Variants in ATXN1 observed in about 807,000 individuals in gnomAD.
ATXN1 encodes ataxin 1.
Under a neutral mutation model 56.4 loss-of-function variants are expected in ATXN1, and 8 were observed. The ratio of observed to expected loss-of-function variants is 0.14; its 90% confidence interval spans 0.08 to 0.26. The LOEUF (loss-of-function observed/expected upper bound fraction) is 0.26. ATXN1 is among the 10% of genes least tolerant of loss of function. The pLI, the probability that ATXN1 is intolerant of heterozygous loss-of-function variation, is 1.00. For synonymous variants in ATXN1, 514 were observed against 494.6 expected (o/e 1.04, Z -0.52); for missense variants, 987 against 1,106.5 (o/e 0.89, Z 1.53).
At chr6:16,483,413 C>T (rs1191352162) in intron 6 of ATXN1, among the ~76,000 whole-genome samples, 2 of 152,200 alleles carry the variant, frequency 1.3e-5, no homozygotes, top group Admixed American at 6.5e-5. Flanking sequence ...CTCCATGGCA[C>T]AGGCTTTGGG....
Position 16,702,380 on chromosome 6 carries a change from C to A in ATXN1, c.-614-44479G>T, listed in dbSNP as rs1581377922. 2.0e-5 allele frequency among the ~76,000 whole-genome samples: 3 copies of A among 152,286 alleles called. No homozygotes were observed. In the East Asian group the frequency reaches 5.8e-4, roughly 29 times the overall value. Reference sequence around the variant, plus strand: ...AATGTTAGACCTAAAACCATAAAAACCCTAGAAGAAAACCTAGGCAATACC... The same window carrying A: ...AATGTTAGACCTAAAACCATAAAAAACCTAGAAGAAAACCTAGGCAATACC... On this transcript the variant is annotated intron_variant, in intron 2 of 7. Coordinates refer to ENST00000436367, the MANE Select transcript of ATXN1 (RefSeq NM_001128164.2).
chr6:16,339,063 TC>T (rs923086936), intron 6 of ATXN1, among the ~76,000 whole-genome samples: 15 of 152,156 alleles, frequency 9.9e-5, no homozygotes, highest in African/African-American at 3.4e-4. Context: ...GATGAGTAAT[TC>T]CCAAGACGCA....
chr6:16,477,455 A>C (rs1340905579), intron 6 of ATXN1, among the ~76,000 whole-genome samples: 4 of 152,230 alleles, frequency 2.6e-5, no homozygotes, highest in African/African-American at 9.6e-5. Context: ...AGAAGATTAC[A>C]AAGTGAGCCA....
At chr6:16,536,581 T>C (rs1336248321) in intron 4 of ATXN1, among the ~76,000 whole-genome samples, 2 of 152,328 alleles carry the variant, frequency 1.3e-5, no homozygotes, top group Middle Eastern at 3.4e-3. Flanking sequence ...CAAATATGCA[T>C]GTATCTGACT....
At chr6:16,389,636 G>A (rs1387279054) in intron 6 of ATXN1, among the ~76,000 whole-genome samples, 2 of 152,182 alleles carry the variant, frequency 1.3e-5, no homozygotes, top group Admixed American at 1.3e-4. Context: ...GATAAAAAGC[G>A]AGCATGTGAC....
intron 2 of ATXN1, among the ~76,000 whole-genome samples, chr6:16,710,005 C>T (rs959104745): frequency 2.0e-5 from 3 of 151,910 alleles, no homozygotes; most frequent in African/African-American, 4.8e-5. Flanking sequence ...CACACATTCC[C>T]GATAAAAACA....
intron 5 of ATXN1, among the ~76,000 whole-genome samples, chr6:16,509,491 G>A (rs1761039289): frequency 6.6e-6 from 1 of 152,166 alleles, no homozygotes; most frequent in Non-Finnish European, 1.5e-5. Context: ...AGCTCATTCT[G>A]ACTGTCCTAT....
At chr6:16,444,456 G>T (rs1228760684) in intron 6 of ATXN1, among the ~76,000 whole-genome samples, 1 of 152,118 alleles carries the variant, frequency 6.6e-6, no homozygotes, top group East Asian at 1.9e-4. Context: ...GCTCAGACAG[G>T]GGACCATCTG....
At chr6:16,730,487 G>GTA (rs4052880) in intron 2 of ATXN1, among the ~76,000 whole-genome samples, 4,785 of 132,004 alleles carry the variant, frequency 0.036, 181 homozygotes, top group Non-Finnish European at 0.055. Flanking sequence ...AAAACAGTAT[G>GTA]TATATATATA....
intron 2 of ATXN1, among the ~76,000 whole-genome samples, chr6:16,679,581 A>G (rs1293958755): frequency 6.6e-6 from 1 of 152,240 alleles, no homozygotes; most frequent in East Asian, 1.9e-4. Context: ...GCTTTCCCAC[A>G]AGACACTCCA....
Position 16,324,500 on chromosome 6 carries a change from CT to C in ATXN1, c.1917+1893del, listed in dbSNP as rs201756058. On this transcript the variant is annotated intron_variant, in intron 7 of 7. Coordinates refer to ENST00000436367, the MANE Select transcript of ATXN1 (RefSeq NM_001128164.2). ...CAATTCAAACCATTAATTAGTTTAT[CT>C]TTTTTTTCTTGTTTTATTTTATCTG... 3.4e-4 allele frequency among the ~76,000 whole-genome samples: 51 copies of C among 151,896 alleles called. 1 individual carries two copies. In the East Asian group the frequency reaches 8.7e-3, roughly 26 times the overall value.
In ATXN1 at chr6:16,511,575, T is replaced by G. The variant is rs1299138592; in HGVS notation, c.-299+11052A>C. ...CTGAATAACAGAGGTCTTTTCTCCC[T>G]CAGAATCAACCTAGCAACAAGTCCG... On this transcript the variant is annotated intron_variant, in intron 5 of 7. Transcript: ENST00000436367. 2.0e-5 allele frequency among the ~76,000 whole-genome samples: 3 copies of G among 152,118 alleles called. No individual in the cohort carries two copies. The East Asian group carries it at 5.8e-4, about 29-fold the overall frequency.
intron 5 of ATXN1, among the ~76,000 whole-genome samples, chr6:16,514,482 C>T (rs949114089): frequency 2.6e-5 from 4 of 152,148 alleles, no homozygotes; most frequent in Non-Finnish European, 5.9e-5. Flanking sequence ...TTCCGTTTTA[C>T]TTTCTCGCCC....
chr6:16,437,175 C>T (rs9464907), intron 6 of ATXN1, among the ~76,000 whole-genome samples: 1,875 of 152,240 alleles, frequency 0.012, 31 homozygotes, highest in African/African-American at 0.043. Flanking sequence ...TTGAAGGCAT[C>T]AACAAAAAAC....
intron 3 of ATXN1, among the ~76,000 whole-genome samples, chr6:16,605,890 G>A (rs1176967737): frequency 6.6e-6 from 1 of 152,180 alleles, no homozygotes; most frequent in African/African-American, 2.4e-5. Flanking sequence ...CACTTTGGGA[G>A]GCTGAGATGG....
intron 6 of ATXN1, among the ~76,000 whole-genome samples, chr6:16,389,559 G>C (rs1758310922): frequency 6.6e-6 from 1 of 152,136 alleles, no homozygotes; most frequent in Admixed American, 6.5e-5. Context: ...ATGAATGAAG[G>C]GGAGGCAGCA....
At chr6:16,548,211 G>A (rs1448973762) in intron 4 of ATXN1, among the ~76,000 whole-genome samples, 1 of 152,142 alleles carries the variant, frequency 6.6e-6, no homozygotes, top group Non-Finnish European at 1.5e-5. Flanking sequence ...ATATAGAAAA[G>A]ATACAGTCAA....
chr6:16,537,551 G>A (rs922142562), intron 4 of ATXN1, among the ~76,000 whole-genome samples: 19 of 151,720 alleles, frequency 1.3e-4, no homozygotes, highest in African/African-American at 2.9e-4. Context: ...CTAAAAAGAC[G>A]CAAAATTAGC....
intron 6 of ATXN1, among the ~76,000 whole-genome samples, chr6:16,345,229 C>A (rs555156628): frequency 6.6e-6 from 1 of 152,312 alleles, no homozygotes; most frequent in East Asian, 1.9e-4. Flanking sequence ...TTCAAACATA[C>A]TTTCTCACGT....
Sources: allele counts gnomAD v4.1 joint callset (sites outside exome capture counted in the v4.1 genomes callset), GRCh38; gene constraint gnomAD v4.1.1; transcripts MANE v1.5; gene names NCBI Gene and HGNC (gene_info 2026-07-23, HGNC 2026-07-21).